Variants in DENND1A observed in about 807,000 individuals in gnomAD.
DENND1A encodes DENN domain-containing protein 1A.
A neutral mutation model predicts 113.7 loss-of-function variants in DENND1A; 51 were observed. The observed-to-expected ratio is 0.45, with a 90% CI of 0.36 to 0.57. The LOEUF (loss-of-function observed/expected upper bound fraction) is 0.57, where lower values mean the gene tolerates loss of function less well. DENND1A is among the 20% of genes least tolerant of loss of function. DENND1A has a pLI of 0.00. For synonymous variants in DENND1A, 565 were observed against 570.8 expected (o/e 0.99, Z 0.14); for missense variants, 1,258 against 1,395.9 (o/e 0.90, Z 1.57).
At chr9:123,595,231 T>C (rs2059631830) in intron 11 of DENND1A, among the ~76,000 whole-genome samples, 1 of 152,084 alleles carries the variant, frequency 6.6e-6, no homozygotes, top group Non-Finnish European at 1.5e-5. Flanking sequence ...TCAGGCCAAA[T>C]CCACCCCTCA....
In DENND1A at chr9:123,845,670, C is replaced by CAAA. The variant is rs555731367; in HGVS notation, c.88+33278_88+33280dup. Among the ~76,000 whole-genome samples the CAAA allele has an allele frequency of 7.2e-3, 317 of 43,868 alleles. 2 individuals carry two copies. Among genetic ancestry groups the CAAA allele is most frequent in the South Asian group, 9.2e-3 (9 of 978 alleles). 28.8% of individuals were successfully genotyped at this position (43,868 alleles called of 152,430 possible). ...GGGTGACCAAGTGAGAACCTGTCTC[C>CAAA]AAAAAAAAAAAAAAAAAAAAAAAAA... is the stretch of plus-strand genomic sequence containing the variant. On this transcript the variant is annotated intron_variant, in intron 2 of 23. Coordinates refer to ENST00000394215, the MANE Select transcript of DENND1A (RefSeq NM_001352964.2).
At chr9:123,667,993 C>T (rs191139726) in intron 7 of DENND1A, among the ~76,000 whole-genome samples, 19 of 152,232 alleles carry the variant, frequency 1.2e-4, no homozygotes, top group East Asian at 7.7e-4. Context: ...CTTCAAAGAA[C>T]GTCCAATGAG....
intron 11 of DENND1A, among the ~76,000 whole-genome samples, chr9:123,606,869 G>A (rs767643767): frequency 3.9e-5 from 6 of 152,256 alleles, no homozygotes; most frequent in Admixed American, 2.6e-4. Flanking sequence ...TTCAGAGCAA[G>A]AGGCACCATA....
intron 17 of DENND1A, among the ~76,000 whole-genome samples, 178 bp downstream of exon 17, chr9:123,452,098 G>A (rs973674626): frequency 2.0e-5 from 3 of 151,856 alleles, no homozygotes; most frequent in Non-Finnish European, 4.4e-5. Flanking sequence ...GGAGGCTGAG[G>A]TGGGAGGATT....
intron 19 of DENND1A, among the ~76,000 whole-genome samples, chr9:123,424,530 A>C (rs1332699533): frequency 6.6e-6 from 1 of 152,132 alleles, no homozygotes; most frequent in Admixed American, 6.5e-5. Flanking sequence ...CTCTGCCTCA[A>C]CTACTTCCAT....
chr9:123,909,409 AAAAT>A (rs202120829), intron 1 of DENND1A, among the ~76,000 whole-genome samples: 153 of 150,250 alleles, frequency 1.0e-3, no homozygotes, highest in African/African-American at 3.4e-3. Context: ...ATAAAAAATA[AAAAT>A]AAATAAAAAA....
chr9:123,463,320 C>CTA (rs1337958441), intron 13 of DENND1A, among the ~76,000 whole-genome samples: 3 of 152,188 alleles, frequency 2.0e-5, no homozygotes, highest in Non-Finnish European at 4.4e-5. Context: ...ATCGGAAACA[C>CTA]TATCATTAAT....
At chr9:123,811,776 AG>A (rs1285898332) in intron 2 of DENND1A, among the ~76,000 whole-genome samples, 2 of 152,232 alleles carry the variant, frequency 1.3e-5, no homozygotes, top group African/African-American at 4.8e-5. Flanking sequence ...AAAATAAAAA[AG>A]GTTTGTGGGT....
chr9:123,470,650 T>C lies in DENND1A; in HGVS notation c.994-12753A>G, dbSNP rs1323969990. On this transcript the variant is annotated intron_variant, in intron 13 of 23. Transcript: ENST00000394215. Reference sequence around the variant, plus strand: ...ATGGATCTCAAGGTAAAAAAGGACATGGTGATAAAACAGAAGAGGCACAAA... The same window carrying C: ...ATGGATCTCAAGGTAAAAAAGGACACGGTGATAAAACAGAAGAGGCACAAA... Among the ~76,000 whole-genome samples the C allele has an allele frequency of 3.3e-5, 5 of 151,850 alleles. No individual in the cohort carries two copies. The East Asian group carries it at 7.7e-4, about 24-fold the overall frequency.
intron 18 of DENND1A, among the ~76,000 whole-genome samples, chr9:123,441,170 C>G (rs2046904475): frequency 6.6e-6 from 1 of 152,172 alleles, no homozygotes; most frequent in East Asian, 1.9e-4. Flanking sequence ...CCAATTTACA[C>G]CAACTACCAA....
chr9:123,865,379 T>C (rs1452975867), intron 2 of DENND1A, among the ~76,000 whole-genome samples: 1 of 152,220 alleles, frequency 6.6e-6, no homozygotes, highest in Non-Finnish European at 1.5e-5. Flanking sequence ...AGAACTTTTT[T>C]AAAGCCTAAA....
intron 13 of DENND1A, among the ~76,000 whole-genome samples, chr9:123,498,238 G>C (rs779751380): frequency 2.6e-5 from 4 of 152,234 alleles, no homozygotes; most frequent in Non-Finnish European, 4.4e-5. Flanking sequence ...ACTTGGTACA[G>C]ACTAGCTTTC....
intron 12 of DENND1A, among the ~76,000 whole-genome samples, chr9:123,558,135 A>G (rs189682558): frequency 5.2e-4 from 79 of 152,340 alleles, no homozygotes; most frequent in Admixed American, 4.6e-3. Flanking sequence ...ACATTTTACA[A>G]TTTAGTTATT....
chr9:123,731,673 T>C (rs1366358381), intron 5 of DENND1A, among the ~76,000 whole-genome samples: 2 of 152,236 alleles, frequency 1.3e-5, no homozygotes, highest in Admixed American at 6.5e-5. Context: ...AAAGAGTTCC[T>C]AGATATGACA....
At chr9:123,923,483 C>G (rs1856622824) in intron 1 of DENND1A, among the ~76,000 whole-genome samples, 1 of 152,158 alleles carries the variant, frequency 6.6e-6, no homozygotes, top group African/African-American at 2.4e-5. Flanking sequence ...AGTCACATTC[C>G]AATTCTTGGT....
chr9:123,604,871 T>G (rs892557764), intron 11 of DENND1A, among the ~76,000 whole-genome samples: 1 of 152,194 alleles, frequency 6.6e-6, no homozygotes, highest in Non-Finnish European at 1.5e-5. Context: ...GGAAACGGCT[T>G]GAAGGCCACT....
intron 2 of DENND1A, among the ~76,000 whole-genome samples, chr9:123,874,942 G>A (rs1242529323): frequency 6.6e-6 from 1 of 152,210 alleles, no homozygotes; most frequent in African/African-American, 2.4e-5. Context: ...CGTAGGAAAG[G>A]TCACAGTAGC....
At chr9:123,739,129 A>T (rs2068794972) in intron 5 of DENND1A, among the ~76,000 whole-genome samples, 1 of 152,180 alleles carries the variant, frequency 6.6e-6, no homozygotes, top group South Asian at 2.1e-4. Flanking sequence ...AAATCTGTTC[A>T]ACCACTCTGA....
intron 22 of DENND1A, among the ~76,000 whole-genome samples, chr9:123,385,207 C>G (rs1180590290): frequency 1.3e-5 from 2 of 152,120 alleles, no homozygotes. Flanking sequence ...TCTTGTCTCC[C>G]AGGCTGGAGT....
Sources: gnomAD v4.1 joint callset for allele counts (sites outside exome capture counted in the v4.1 genomes callset) on GRCh38, gnomAD v4.1.1 for gene constraint, MANE v1.5 for transcripts, NCBI Gene and HGNC (gene_info 2026-07-23, HGNC 2026-07-21) for gene names.